PXDC1: variants seen among roughly 807,000 people sequenced by gnomAD.
The protein encoded by PXDC1 is PX domain-containing protein 1.
In PXDC1, 13 loss-of-function variants were observed where a neutral mutation model predicts 24.4. That is an observed-to-expected ratio of 0.53 (90% confidence interval 0.35 to 0.85). The LOEUF (loss-of-function observed/expected upper bound fraction) is 0.85. Ranked by LOEUF, PXDC1 falls within the 40% of genes least tolerant of loss-of-function variation. The pLI is 0.01. For missense variants in PXDC1, 344 were observed against 309.3 expected (o/e 1.11, Z -0.84); for synonymous variants, 162 against 124.9 (o/e 1.30, Z -1.98).
At chr6:3,750,732 G>T (rs962552117) in intron 1 of PXDC1, among the ~76,000 whole-genome samples, 1 of 152,144 alleles carries the variant, frequency 6.6e-6, no homozygotes, top group Non-Finnish European at 1.5e-5. Flanking sequence ...CGGGCGGGGC[G>T]GCCGCTCCGA....
At chr6:3,735,903 A>T (rs990472499) in intron 3 of PXDC1, among the ~76,000 whole-genome samples, 1 of 152,236 alleles carries the variant, frequency 6.6e-6, no homozygotes, top group Non-Finnish European at 1.5e-5. Flanking sequence ...CAGTAAAAAC[A>T]AACAAAAAAG....
chr6:3,743,227 C>T (rs1433313597), intron 1 of PXDC1, among the ~76,000 whole-genome samples: 4 of 152,106 alleles, frequency 2.6e-5, no homozygotes, highest in Admixed American at 6.5e-5. Context: ...GGCTCGGGTG[C>T]GCTGGGAGGT....
chr6:3,724,259 G>T lies in PXDC1; in HGVS notation c.579-523C>A, dbSNP rs1158808713. Among the ~76,000 whole-genome samples the T allele has an allele frequency of 6.6e-6, 1 of 151,884 alleles. No homozygotes were observed. Among genetic ancestry groups the T allele is most frequent in the South Asian group, 2.1e-4 (1 of 4,810 alleles). On this transcript the variant is annotated intron_variant, in intron 4 of 4. Coordinates refer to ENST00000380283, the MANE Select transcript of PXDC1 (RefSeq NM_183373.4). This position sits in a 1 kb window ranked among gnomAD's most constrained non-coding sequence, Gnocchi z 4.5. ...ACGGGGGGAGACACCTTCTAGCGGG[G>T]AAGCCTGCATGTGGGTACGTGTTTC...
chr6:3,737,563 G>T lies in PXDC1; in HGVS notation c.349-367C>A. ...TTCCAGGAGCTAAGGAGGTCTGCCT[G>T]GCGCTCAAGTCCAGGTTCTTAACCA... On this transcript the variant is annotated intron_variant, in intron 2 of 4. Coordinates refer to ENST00000380283, the MANE Select transcript of PXDC1 (RefSeq NM_183373.4). This position sits in a 1 kb window ranked among gnomAD's most constrained non-coding sequence, Gnocchi z 5.5. 1.5e-6 allele frequency: 1 copy of T among 650,366 alleles called. No homozygotes were observed. Among genetic ancestry groups the T allele is most frequent in the Non-Finnish European group, 1.9e-6 (1 of 523,620 alleles). 40.3% of individuals were successfully genotyped at this position (650,366 alleles called of 1,614,324 possible).
At chr6:3,742,087 A>C (rs1250075145) in intron 1 of PXDC1, among the ~76,000 whole-genome samples, 2 of 152,226 alleles carry the variant, frequency 1.3e-5, no homozygotes, top group Non-Finnish European at 2.9e-5. Flanking sequence ...CAAATTTATA[A>C]AGAAAAAGTT....
At chr6:3,748,180 G>A (rs1446032542) in intron 1 of PXDC1, among the ~76,000 whole-genome samples, 2 of 152,192 alleles carry the variant, frequency 1.3e-5, no homozygotes, top group Non-Finnish European at 2.9e-5. Flanking sequence ...AGAGGGGACT[G>A]AAATGAAAGA....
chr6:3,742,486 A>G (rs927891113), intron 1 of PXDC1, among the ~76,000 whole-genome samples: 2 of 152,188 alleles, frequency 1.3e-5, no homozygotes, highest in African/African-American at 4.8e-5. Flanking sequence ...AGGCAGGTGA[A>G]GAGGGTTGCC....
At chr6:3,749,710 A>G in intron 1 of PXDC1, among the ~76,000 whole-genome samples, 1 of 152,002 alleles carries the variant, frequency 6.6e-6, no homozygotes, top group South Asian at 2.1e-4. Context: ...TAGACCCTCT[A>G]CCATGCCTTT....
intron 1 of PXDC1, among the ~76,000 whole-genome samples, chr6:3,748,042 T>A (rs1760608026): frequency 6.6e-6 from 1 of 152,036 alleles, no homozygotes; most frequent in African/African-American, 2.4e-5. Context: ...GAAATAACAA[T>A]CGAAAAAGTC....
intron 1 of PXDC1, among the ~76,000 whole-genome samples, chr6:3,750,000 C>T (rs1487832801): frequency 6.6e-6 from 1 of 152,236 alleles, no homozygotes; most frequent in Non-Finnish European, 1.5e-5. Flanking sequence ...CTTGAAATAA[C>T]ACCCAACTGT....
At chr6:3,744,123 T>C (rs1760510711) in intron 1 of PXDC1, among the ~76,000 whole-genome samples, 1 of 152,218 alleles carries the variant, frequency 6.6e-6, no homozygotes, top group Non-Finnish European at 1.5e-5. Context: ...GGCTTTTTCA[T>C]TATTTTCCCC....
Position 3,751,548 on chromosome 6 carries a change from C to T in PXDC1, c.-17G>A, listed in dbSNP as rs1255146815. 4 of 1,549,210 alleles carry T rather than the reference C, an allele frequency of 2.6e-6. No homozygotes were observed. Among genetic ancestry groups the T allele is most frequent in the Non-Finnish European group, 3.5e-6 (4 of 1,150,618 alleles). Reference sequence around the variant, plus strand: ...CGAGGCCATGTCGCACGCATGCCCCCGCCAAGGGCTCCCCAGCCCCGCCGC... The same window carrying T: ...CGAGGCCATGTCGCACGCATGCCCCTGCCAAGGGCTCCCCAGCCCCGCCGC... On this transcript the variant is annotated 5_prime_UTR_variant, in exon 1 of 5. Transcript: ENST00000380283.
At chr6:3,745,089 G>A (rs1175800669) in intron 1 of PXDC1, among the ~76,000 whole-genome samples, 1 of 152,240 alleles carries the variant, frequency 6.6e-6, no homozygotes, top group African/African-American at 2.4e-5. Flanking sequence ...GTTTCTGGAC[G>A]AGCAAGGCCA....
chr6:3,736,354 CTCTCA>C (rs1760315291), intron 3 of PXDC1, among the ~76,000 whole-genome samples: 1 of 152,168 alleles, frequency 6.6e-6, no homozygotes, highest in South Asian at 2.1e-4. Context: ...GCCATGTCTC[CTCTCA>C]TGAGTCCCCC....
chr6:3,724,756 A>C lies in PXDC1; in HGVS notation c.579-1020T>G, dbSNP rs1411634126. On this transcript the variant is annotated intron_variant, in intron 4 of 4. Coordinates refer to ENST00000380283, the MANE Select transcript of PXDC1 (RefSeq NM_183373.4). This position sits in a 1 kb window ranked among gnomAD's most constrained non-coding sequence, Gnocchi z 4.5. ...GGAAAGCTTTGCCATGACCAAGATGACTGCACAGTCCAGGCCCCTGGCCGG... is the reference window on the plus strand; with the variant it reads ...GGAAAGCTTTGCCATGACCAAGATGCCTGCACAGTCCAGGCCCCTGGCCGG... Among the ~76,000 whole-genome samples the C allele has an allele frequency of 6.6e-6, 1 of 152,244 alleles. No individual in the cohort carries two copies.
Position 3,737,654 on chromosome 6 carries a change from C to A in PXDC1, c.348+403G>T. On this transcript the variant is annotated intron_variant, in intron 2 of 4. Coordinates refer to ENST00000380283, the MANE Select transcript of PXDC1 (RefSeq NM_183373.4). The surrounding 1 kb of genome is among the most constrained non-coding windows in gnomAD (Gnocchi z 5.5). ...TTGACGGTCAAATCCGGGCAACGTG[C>A]CCCGCTGTGCTGACGCCAACGTTCT... 1 of 985,400 alleles carries A rather than the reference C, an allele frequency of 1.0e-6. No homozygotes were observed. Among genetic ancestry groups the A allele is most frequent in the Non-Finnish European group, 1.2e-6 (1 of 829,878 alleles). 61.0% of individuals were successfully genotyped at this position (985,400 alleles called of 1,614,324 possible).
Position 3,737,242 on chromosome 6 carries a change from G to C in PXDC1, c.349-46C>G, listed in dbSNP as rs912721156. Reference sequence around the variant, plus strand: ...TACTAAAAACGATCAGCCTCTACACGTTGGCCCTGTCTGTCTACCAAGAGA... The same window carrying C: ...TACTAAAAACGATCAGCCTCTACACCTTGGCCCTGTCTGTCTACCAAGAGA... On this transcript the variant is annotated intron_variant, in intron 2 of 4. Transcript: ENST00000380283. This position sits in a 1 kb window ranked among gnomAD's most constrained non-coding sequence, Gnocchi z 5.5. 7.3e-7 allele frequency: 1 copy of C among 1,364,142 alleles called. No homozygotes were observed. The highest frequency in any genetic ancestry group is 1.0e-6 in the Non-Finnish European group (1 of 954,226). 84.5% of individuals were successfully genotyped at this position (1,364,142 alleles called of 1,614,324 possible). A position where few individuals can be genotyped will look rare whatever the true frequency, so the allele number is the denominator to read the frequency against.
Position 3,745,476 on chromosome 6 carries a change from G to C in PXDC1, c.256+5800C>G, listed in dbSNP as rs573438088. Among the ~76,000 whole-genome samples, 15 of 152,370 alleles carry C rather than the reference G, an allele frequency of 9.8e-5. No individual in the cohort carries two copies. In the South Asian group the frequency reaches 3.1e-3, roughly 32 times the overall value. ...CTATAGCATCAACAGTGCACCCGAG[G>C]CTTGAGGAACTTGCCTGGAATGACA... On this transcript the variant is annotated intron_variant, in intron 1 of 4. Coordinates refer to ENST00000380283, the MANE Select transcript of PXDC1 (RefSeq NM_183373.4).
intron 1 of PXDC1, among the ~76,000 whole-genome samples, chr6:3,739,837 GTA>G (rs1482920505): frequency 1.3e-5 from 2 of 152,242 alleles, no homozygotes; most frequent in African/African-American, 2.4e-5. Context: ...ACTACAAGAT[GTA>G]TATATGCACC....
Sources: allele counts gnomAD v4.1 joint callset (sites outside exome capture counted in the v4.1 genomes callset), GRCh38; gene constraint gnomAD v4.1.1; non-coding constraint Gnocchi (gnomAD v3.1); transcripts MANE v1.5; gene names NCBI Gene and HGNC (gene_info 2026-07-23, HGNC 2026-07-21).